FBRS: variants seen among roughly 807,000 people sequenced by gnomAD.
FBRS encodes fibrosin.
FBRS carries 15 observed loss-of-function variants against 86.1 expected under a neutral mutation model. The ratio of observed to expected loss-of-function variants is 0.17; its 90% confidence interval spans 0.12 to 0.27. FBRS has a LOEUF of 0.27. FBRS is among the 10% of genes least tolerant of loss of function. The pLI is 1.00. For missense variants in FBRS, 1,367 were observed against 1,301.6 expected (o/e 1.05, Z -0.77); for synonymous variants, 666 against 575.8 (o/e 1.16, Z -2.24).
At chr16:30,662,329 T>A in intron 4 of FBRS, 91 bp from the exon 5 acceptor site, 1 of 1,535,342 alleles carries the variant, frequency 6.5e-7, no homozygotes, top group South Asian at 1.2e-5. Context: ...CTACCACCAG[T>A]TCCTAGCAGC....
Position 30,660,400 on chromosome 16 carries a change from G to A in FBRS, c.597G>A (p.Gly199=). 3.2e-6 allele frequency: 4 copies of A among 1,261,336 alleles called. No homozygotes were observed. Among genetic ancestry groups the A allele is most frequent in the Non-Finnish European group, 4.0e-6 (4 of 994,010 alleles). The allele number at this position is 1,261,336 out of a possible 1,614,324, so 78.1% of individuals were successfully genotyped here. ...SSDREPGRPP[G]DRARKWPNKR... ...ATCGAGAGCCTGGCCGGCCCCCTGG[G>A]GATCGGGCCCGAAAATGGCCCAATA... Residue 199 remains glycine, a synonymous_variant, in exon 2 of 18, where the codon GGG becomes GGA. Transcript: ENST00000356166.
chr16:30,666,841 C>T, intron 12 of FBRS, 78 bp from the exon 13 acceptor site: 2 of 1,495,316 alleles, frequency 1.3e-6, no homozygotes, highest in Non-Finnish European at 9.2e-7. Context: ...AGGCTGGGCC[C>T]AGAGCCAGGC....
At chr16:30,661,688 C>T (rs926165360) in intron 4 of FBRS, among the ~76,000 whole-genome samples, 4 of 152,128 alleles carry the variant, frequency 2.6e-5, no homozygotes, top group African/African-American at 4.8e-5. Context: ...CAAGTCTGAG[C>T]AGAGACCGCA....
intron 2 of FBRS, 29 bp downstream of exon 2, chr16:30,660,471 C>T: frequency 6.4e-6 from 8 of 1,256,256 alleles, no homozygotes; most frequent in East Asian, 3.1e-5. Flanking sequence ...ACTCTTTAGG[C>T]AGAATGTATT....
chr16:30,662,523 G>T, intron 5 of FBRS, 36 bp from the exon 6 acceptor site: 1 of 1,550,210 alleles, frequency 6.5e-7, no homozygotes, highest in Non-Finnish European at 8.7e-7. Context: ...GTGAGCATGA[G>T]CCTCAACTGA....
Position 30,665,756 on chromosome 16 carries a change from G to A in FBRS, c.1773+50G>A. The A allele has an allele frequency of 6.5e-7, 1 of 1,534,096 alleles. No homozygotes were observed. Among genetic ancestry groups the A allele is most frequent in the Non-Finnish European group, 8.8e-7 (1 of 1,130,704 alleles). On this transcript the variant is annotated intron_variant, in intron 11 of 17. Coordinates refer to ENST00000356166, the MANE Select transcript of FBRS (RefSeq NM_001105079.3). This position sits in a 1 kb window ranked among gnomAD's most constrained non-coding sequence, Gnocchi z 4.1. ...GGGGAGCTGGAAGGTGTGTTGCGGGGAGAACAGAACTGACTTGAGGAGAGT... is the reference window on the plus strand; with the variant it reads ...GGGGAGCTGGAAGGTGTGTTGCGGGAAGAACAGAACTGACTTGAGGAGAGT...
Position 30,665,972 on chromosome 16 carries a change from CT to C in FBRS, c.1773+273del, listed in dbSNP as rs1367751845. 6.1e-6 allele frequency: 3 copies of C among 492,100 alleles called. No individual in the cohort carries two copies. The highest frequency in any genetic ancestry group is 1.1e-5 in the Non-Finnish European group (3 of 278,882). 30.5% of individuals were successfully genotyped at this position (492,100 alleles called of 1,614,324 possible). On this transcript the variant is annotated intron_variant, in intron 11 of 17. Coordinates refer to ENST00000356166, the MANE Select transcript of FBRS (RefSeq NM_001105079.3). This position sits in a 1 kb window ranked among gnomAD's most constrained non-coding sequence, Gnocchi z 4.1. ...AACTTTTTAATAAAGTTACAAAACA[CT>C]TTTTTTCCAAATGACATCATACCAG...
At chr16:30,660,099 C>T (rs984463183) in intron 1 of FBRS, 122 bp downstream of exon 1, 4 of 1,444,474 alleles carry the variant, frequency 2.8e-6, no homozygotes, top group East Asian at 5.3e-5. Context: ...GCAACCGGCT[C>T]CTCTGGCCAG....
chr16:30,660,713 T>G, intron 2 of FBRS: 1 of 510,510 alleles, frequency 2.0e-6, no homozygotes, highest in Non-Finnish European at 3.1e-6. Context: ...AAATTAATTG[T>G]GGTTCCTGCC....
intron 5 of FBRS, 45 bp from the exon 6 acceptor site, chr16:30,662,514 T>A (rs2052473388): frequency 1.9e-6 from 3 of 1,550,148 alleles, no homozygotes; most frequent in South Asian, 2.4e-5. Context: ...GGCAGTGGGG[T>A]GAGCATGAGC....
rs1318584307 is a variant in FBRS, at chr16:30,664,493, C to T, written c.1334C>T (p.Ala445Val). 1 of 1,388,320 alleles carries T rather than the reference C, an allele frequency of 7.2e-7. No individual in the cohort carries two copies. Among genetic ancestry groups the T allele is most frequent in the East Asian group, 2.8e-5 (1 of 35,998 alleles). The allele number at this position is 1,388,320 out of a possible 1,614,324, so 86.0% of individuals were successfully genotyped here. A position where few individuals can be genotyped will look rare whatever the true frequency, so the allele number is the denominator to read the frequency against. ...CTGCAGGTGCCAGGGCACCCTGGGG[C>T]CTCAGCCGCTAACGCCCTTTCTGGT... ...PLLQVPGHPG[A>V]SAANALSEQD... The change falls in exon 7 of 18, where the codon GCC becomes GTC. Residue 445 changes from alanine (A) to valine (V), a missense_variant. Ala to Val is a moderately conservative substitution (Grantham distance 64, BLOSUM62 0). Transcript: ENST00000356166.
Position 30,665,585 on chromosome 16 carries a change from C to A in FBRS, c.1705-53C>A. On this transcript the variant is annotated intron_variant, in intron 10 of 17. Transcript: ENST00000356166. This position sits in a 1 kb window ranked among gnomAD's most constrained non-coding sequence, Gnocchi z 4.1. ...AGTGTCCCAGCTTGGTTCTGGATCC[C>A]TTTGTGCTTGGTGCCAGCTCTCCTG... The A allele has an allele frequency of 6.5e-7, 1 of 1,547,578 alleles. No homozygotes were observed. The highest frequency in any genetic ancestry group is 8.8e-7 in the Non-Finnish European group (1 of 1,142,434).
chr16:30,664,233 C>T lies in FBRS; in HGVS notation c.1074C>T (p.Pro358=), dbSNP rs1287236669. 4 of 1,442,780 alleles carry T rather than the reference C, an allele frequency of 2.8e-6. No homozygotes were observed. Among genetic ancestry groups the T allele is most frequent in the Non-Finnish European group, 3.7e-6 (4 of 1,083,424 alleles). The allele number at this position is 1,442,780 out of a possible 1,614,324, so 89.4% of individuals were successfully genotyped here. ...LSTGSSSRPP[P]KAPAPPVAQP... ...TCCCCAGCTCTTCACGGCCGCCCCC[C>T]AAGGCCCCGGCCCCTCCCGTGGCTC... is the stretch of plus-strand genomic sequence containing the variant. Residue 358 remains proline, a synonymous_variant, in exon 7 of 18, where the codon CCC becomes CCT. Transcript: ENST00000356166.
chr16:30,668,834 C>T lies in FBRS; in HGVS notation c.2221C>T (p.Pro741Ser), dbSNP rs1334580125. 3.1e-6 allele frequency: 5 copies of T among 1,596,732 alleles called. No individual in the cohort carries two copies. In the African/African-American group the frequency reaches 4.0e-5, roughly 13 times the overall value. Residue 741 changes from proline (P) to serine (S), a missense_variant, in exon 17 of 18, where the codon CCG becomes TCG. Pro to Ser is a moderately conservative substitution (Grantham distance 74, BLOSUM62 -1). Around this residue, in one of 3 missense-constraint regions of FBRS, gnomAD observed 659 missense variants for 678.8 expected, o/e 0.97. Transcript: ENST00000356166. The stretch of plus-strand genomic sequence containing the variant: ...GGCCCCACCAGCCTTCGCCTCCCCA[C>T]CGGACCCATGGGGCCGCCTGCACCG... ...PGAPPAFASP[P>S]DPWGRLHRSP...
Position 30,665,203 on chromosome 16 carries a change from G to A in FBRS, c.1609-103G>A. On this transcript the variant is annotated intron_variant, in intron 9 of 17. Transcript: ENST00000356166. This position sits in a 1 kb window ranked among gnomAD's most constrained non-coding sequence, Gnocchi z 4.1. ...AAGCAAGAGCCTTGAGCCTGGGACA[G>A]CTCCCTGGGGGGCTTTAGGGTGGAG... is the stretch of plus-strand genomic sequence containing the variant. 2 of 1,511,364 alleles carry A rather than the reference G, an allele frequency of 1.3e-6. No individual in the cohort carries two copies. The highest frequency in any genetic ancestry group is 1.8e-6 in the Non-Finnish European group (2 of 1,122,160). The allele number at this position is 1,511,364 out of a possible 1,614,324, so 93.6% of individuals were successfully genotyped here. A position where few individuals can be genotyped will look rare whatever the true frequency, so the allele number is the denominator to read the frequency against.
In FBRS at chr16:30,659,781, C is replaced by T. The variant is rs1244077659; in HGVS notation, c.263C>T (p.Pro88Leu). The T allele has an allele frequency of 1.3e-6, 2 of 1,488,138 alleles. No homozygotes were observed. Among genetic ancestry groups the T allele is most frequent in the Non-Finnish European group, 1.8e-6 (2 of 1,122,538 alleles). The allele number at this position is 1,488,138 out of a possible 1,614,324, so 92.2% of individuals were successfully genotyped here. ...GPRRRRPRPRPRPPRPRARKR... is the reference protein window; with the variant it reads ...GPRRRRPRPRLRPPRPRARKR... ...AGACGCCGGCGGCCCCGTCCGAGAC[C>T]TCGACCCCCGCGACCCCGAGCTCGG... Residue 88 changes from proline to leucine, a missense_variant, in exon 1 of 18, where the codon CCT becomes CTT. By Grantham distance (98) the Pro-to-Leu change is moderately conservative. Around this residue, in one of 3 missense-constraint regions of FBRS, gnomAD observed 702 missense variants for 598.7 expected, o/e 1.17. Coordinates refer to ENST00000356166, the MANE Select transcript of FBRS (RefSeq NM_001105079.3).
At chr16:30,664,141 C>T (rs1402376205) in intron 6 of FBRS, 74 bp from the exon 7 acceptor site, 1 of 1,305,032 alleles carries the variant, frequency 7.7e-7, no homozygotes, top group Admixed American at 3.5e-5. Context: ...ACGGTATCAC[C>T]CAGGCTTCTG....
chr16:30,661,951 CTCTA>C (rs1596614022), intron 4 of FBRS: 1 of 179,140 alleles, frequency 5.6e-6, no homozygotes, highest in Non-Finnish European at 1.2e-5. Flanking sequence ...CGTCATCCAT[CTCTA>C]TCTGTCTAGG....
intron 11 of FBRS, chr16:30,666,136 C>G (rs1224429694): frequency 2.3e-6 from 1 of 426,692 alleles, no homozygotes; most frequent in Non-Finnish European, 4.2e-6. Flanking sequence ...GACCAGTTTC[C>G]TACAGGGAAG....
Sources: allele counts gnomAD v4.1 joint callset (sites outside exome capture counted in the v4.1 genomes callset), GRCh38; gene constraint gnomAD v4.1.1; regional missense constraint gnomAD v4.1.1; non-coding constraint Gnocchi (gnomAD v3.1); transcripts MANE v1.5; gene names NCBI Gene and HGNC (gene_info 2026-07-23, HGNC 2026-07-21).